TRAPPC10: variants seen among roughly 807,000 people sequenced by gnomAD.
TRAPPC10 encodes the protein TRAPP 130 kDa subunit.
A neutral mutation model predicts 125.5 loss-of-function variants in TRAPPC10; 23 were observed. That is an observed-to-expected ratio of 0.18 (90% CI 0.13 to 0.26). TRAPPC10 has a LOEUF of 0.26. Ranked by LOEUF, TRAPPC10 falls within the 10% of genes least tolerant of loss-of-function variation. The probability of loss-of-function intolerance (pLI) is 1.00; values close to 1 mark genes in which losing one functional copy is unlikely to be tolerated. For missense variants in TRAPPC10, 1,123 were observed against 1,308.4 expected, an observed-to-expected ratio of 0.86 and a Z score of 2.19; for synonymous variants, 509 against 518.0, an observed-to-expected ratio of 0.98 and a Z score of 0.24.
intron 1 of TRAPPC10, among the ~76,000 whole-genome samples, chr21:44,024,544 G>C (rs1167162369): frequency 6.6e-6 from 1 of 152,164 alleles, no homozygotes; most frequent in Non-Finnish European, 1.5e-5. Context: ...GTCTAGAACT[G>C]TTTTTGACAG....
At chr21:44,022,013 T>C (rs544763048) in intron 1 of TRAPPC10, among the ~76,000 whole-genome samples, 40 of 151,922 alleles carry the variant, frequency 2.6e-4, no homozygotes, top group Middle Eastern at 3.4e-3. Context: ...CCACCCAGTC[T>C]ATGGCATTTT....
chr21:44,066,886 G>A (rs1408209934), intron 7 of TRAPPC10, among the ~76,000 whole-genome samples: 2 of 152,224 alleles, frequency 1.3e-5, no homozygotes, highest in Non-Finnish European at 2.9e-5. Flanking sequence ...AGTCATGCTA[G>A]TGATGCCTGT....
chr21:44,020,847 G>C (rs1348149703), intron 1 of TRAPPC10, among the ~76,000 whole-genome samples: 1 of 152,090 alleles, frequency 6.6e-6, no homozygotes, highest in Non-Finnish European at 1.5e-5. Flanking sequence ...GGAGCTGAGG[G>C]CTGGTTTTGC....
chr21:44,063,054 A>G lies in TRAPPC10; in HGVS notation c.791-484A>G. On this transcript the variant is annotated intron_variant, in intron 6 of 22. Transcript: ENST00000291574. The surrounding 1 kb of genome is among the most constrained non-coding windows in gnomAD (Gnocchi z 4.4). ...AGTCCTCCCTGTCCCTTCCTCCAGG[A>G]GCTTGACTCAGGGACGTGACGTGGT... 7.7e-7 allele frequency: 1 copy of G among 1,304,278 alleles called. No homozygotes were observed. The highest frequency in any genetic ancestry group is 1.0e-6 in the Non-Finnish European group (1 of 989,084). The allele number at this position is 1,304,278 out of a possible 1,614,324, so 80.8% of individuals were successfully genotyped here.
intron 1 of TRAPPC10, among the ~76,000 whole-genome samples, chr21:44,012,765 C>A (rs894601594): frequency 6.6e-6 from 1 of 152,026 alleles, no homozygotes; most frequent in East Asian, 1.9e-4. Flanking sequence ...CGACCTCTGA[C>A]CCCTGGGGGG....
chr21:44,042,684 G>A (rs1455300556), intron 3 of TRAPPC10, among the ~76,000 whole-genome samples: 1 of 152,136 alleles, frequency 6.6e-6, no homozygotes, highest in Admixed American at 6.5e-5. Context: ...TTTGAATTTT[G>A]TCCATTTGAC....
In TRAPPC10 at chr21:44,087,579, G is replaced by GT. The variant is rs2038229886; in HGVS notation, c.2540-119dup. ...CCTTGTTCTTGGGTTTGCCTGCCAG[G>GT]TGCGCAGGAGCGGGAGAGGTTGAGC... On this transcript the variant is annotated intron_variant, in intron 16 of 22. Coordinates refer to ENST00000291574, the MANE Select transcript of TRAPPC10 (RefSeq NM_003274.5). The surrounding 1 kb of genome is among the most constrained non-coding windows in gnomAD (Gnocchi z 4.6). The GT allele has an allele frequency of 1.2e-6, 1 of 859,972 alleles. No homozygotes were observed. Among genetic ancestry groups the GT allele is most frequent in the Admixed American group, 2.1e-5 (1 of 47,696 alleles). The allele number at this position is 859,972 out of a possible 1,614,324, so 53.3% of individuals were successfully genotyped here. A position where few individuals can be genotyped will look rare whatever the true frequency, so the allele number is the denominator to read the frequency against.
intron 2 of TRAPPC10, among the ~76,000 whole-genome samples, chr21:44,037,291 T>A (rs1310192601): frequency 6.6e-6 from 1 of 152,214 alleles, no homozygotes; most frequent in Non-Finnish European, 1.5e-5. Flanking sequence ...TAGAGGTTTG[T>A]CCTGCTATTT....
At position 44,035,261 on chromosome 21, in the gene TRAPPC10, C is replaced by T. The variant is rs543955688; in HGVS notation, c.150-2531C>T. On this transcript the variant is annotated intron_variant, in intron 2 of 22. Transcript: ENST00000291574. ...CCCTGTCACCATGTGATGCCCTCTG[C>T]GGGTTTTGACATACCAAGAAGGCCC... Among the ~76,000 whole-genome samples the T allele has an allele frequency of 7.2e-5, 11 of 152,306 alleles. No individual in the cohort carries two copies. In the South Asian group the frequency reaches 1.2e-3, roughly 17 times the overall value.
chr21:44,017,208 C>T (rs1025778031), intron 1 of TRAPPC10, among the ~76,000 whole-genome samples: 3 of 152,130 alleles, frequency 2.0e-5, no homozygotes, highest in East Asian at 1.9e-4. Flanking sequence ...TATTTGGAGG[C>T]GGGGACTAAA....
At chr21:44,067,288 G>T (rs2145955141) in intron 7 of TRAPPC10, among the ~76,000 whole-genome samples, 1 of 152,330 alleles carries the variant, frequency 6.6e-6, no homozygotes, top group East Asian at 1.9e-4. Context: ...GGCCAGCTGG[G>T]ATCGGTATTC....
intron 4 of TRAPPC10, among the ~76,000 whole-genome samples, chr21:44,055,220 G>A (rs566175442): frequency 3.3e-5 from 5 of 152,166 alleles, no homozygotes; most frequent in Admixed American, 2.6e-4. Flanking sequence ...CTTACTGCTC[G>A]TGTTCATGAC....
rs145946572 is a variant in TRAPPC10 at position 44,017,713 on chromosome 21, G to C, written c.67+5153G>C. On this transcript the variant is annotated intron_variant, in intron 1 of 22. Coordinates refer to ENST00000291574, the MANE Select transcript of TRAPPC10 (RefSeq NM_003274.5). ...TGTGGCACCTCTCACCTGAAGGTCG[G>C]ATTGGACGCTGCTTCTCCCTTTGGT... 2.8e-3 allele frequency among the ~76,000 whole-genome samples: 428 copies of C among 152,076 alleles called. 2 individuals are homozygous for C. Among genetic ancestry groups the C allele is most frequent in the African/African-American group, 0.01 (419 of 41,500 alleles).
intron 5 of TRAPPC10, 103 bp from the exon 6 acceptor site, chr21:44,059,000 T>C (rs2035830140): frequency 3.9e-6 from 3 of 764,284 alleles, no homozygotes; most frequent in South Asian, 3.9e-5. Context: ...ACATTATTCA[T>C]AGTGCTGCGT....
intron 7 of TRAPPC10, among the ~76,000 whole-genome samples, chr21:44,067,928 T>A (rs1453340722): frequency 1.3e-5 from 2 of 152,136 alleles, no homozygotes. Context: ...CAGACCAGCC[T>A]GGCCAATATG....
chr21:44,032,077 TCTTCC>T lies in TRAPPC10; in HGVS notation c.68-9_68-5del. 1 of 1,605,182 alleles carries T rather than the reference TCTTCC, an allele frequency of 6.2e-7. No homozygotes were observed. Among genetic ancestry groups the T allele is most frequent in the Non-Finnish European group, 8.5e-7 (1 of 1,175,528 alleles). ...TAAAAATATGGTAACTGAATTTCTT[TCTTCC>T]CTTCATAGGTGCTGGAGATCAGAAT... On this transcript the variant is annotated splice_polypyrimidine_tract_variant and intron_variant, in intron 1 of 22. Transcript: ENST00000291574.
intron 1 of TRAPPC10, among the ~76,000 whole-genome samples, chr21:44,013,206 C>T (rs1038429808): frequency 3.3e-5 from 5 of 152,164 alleles, no homozygotes; most frequent in Non-Finnish European, 5.9e-5. Flanking sequence ...CCTGGTGCCT[C>T]TTGGGTGTCG....
chr21:44,077,103 G>A (rs940886405), intron 10 of TRAPPC10, among the ~76,000 whole-genome samples: 1 of 152,158 alleles, frequency 6.6e-6, no homozygotes. Context: ...ATACACACAA[G>A]TATGAAAAAT....
chr21:44,015,947 A>G (rs2031791184), intron 1 of TRAPPC10, among the ~76,000 whole-genome samples: 1 of 152,146 alleles, frequency 6.6e-6, no homozygotes, highest in Non-Finnish European at 1.5e-5. Flanking sequence ...CCCATAATTA[A>G]ACCTCCTGCC....
Sources: gnomAD v4.1 joint callset for allele counts (sites outside exome capture counted in the v4.1 genomes callset) on GRCh38, gnomAD v4.1.1 for gene constraint, Gnocchi (gnomAD v3.1) non-coding constraint, MANE v1.5 for transcripts, NCBI Gene and HGNC (gene_info 2026-07-23, HGNC 2026-07-21) for gene names.